GMIP: variants seen among roughly 807,000 people sequenced by gnomAD.
GMIP encodes GEM interacting protein.
A neutral mutation model predicts 105.3 loss-of-function variants in GMIP; 54 were observed. The observed-to-expected ratio is 0.51, with a 90% CI of 0.41 to 0.64. The LOEUF (loss-of-function observed/expected upper bound fraction) is 0.64, where lower values mean the gene tolerates loss of function less well. Ranked by LOEUF, GMIP falls within the 30% of genes least tolerant of loss-of-function variation. GMIP has a pLI of 0.00. For missense variants in GMIP, 1,110 were observed against 1,319.4 expected (o/e 0.84, Z 2.46); for synonymous variants, 541 against 560.8 (o/e 0.96, Z 0.50).
chr19:19,630,606 C>G lies in GMIP; in HGVS notation c.2473-69G>C. On this transcript the variant is annotated intron_variant, in intron 19 of 20. Transcript: ENST00000203556. This position sits in a 1 kb window ranked among gnomAD's most constrained non-coding sequence, Gnocchi z 4.8. ...CAGTTCTTTGAGATTCCTGGAGAGC[C>G]AAGGGCTTGTTCCTGGACATGCAAA... 7.3e-7 allele frequency: 1 copy of G among 1,366,710 alleles called. No homozygotes were observed. The highest frequency in any genetic ancestry group is 1.0e-6 in the Non-Finnish European group (1 of 955,598). 84.7% of individuals were successfully genotyped at this position (1,366,710 alleles called of 1,614,324 possible). A position where few individuals can be genotyped will look rare whatever the true frequency, so the allele number is the denominator to read the frequency against.
At chr19:19,643,290 C>G (rs2061943622) in intron 1 of GMIP, 1 of 470,422 alleles carries the variant, frequency 2.1e-6, no homozygotes, top group Non-Finnish European at 3.9e-6. Context: ...CCCCCTCCCC[C>G]AGGCGTCTGG....
At chr19:19,640,247 T>C in intron 6 of GMIP, 49 bp downstream of exon 6, 3 of 1,457,148 alleles carry the variant, frequency 2.1e-6, no homozygotes, top group Non-Finnish European at 2.8e-6. Context: ...GGGACAAAGG[T>C]GGGGTTCTAG....
intron 7 of GMIP, 94 bp downstream of exon 7, chr19:19,639,991 T>G: frequency 1.4e-6 from 1 of 704,648 alleles, no homozygotes; most frequent in Non-Finnish European, 2.5e-6. Flanking sequence ...TAGTGGTGCC[T>G]TCCTCCCAGC....
chr19:19,635,875 A>C lies in GMIP; in HGVS notation c.1328-154T>G, dbSNP rs1329129461. Among the ~76,000 whole-genome samples, 1 of 152,132 alleles carries C rather than the reference A, an allele frequency of 6.6e-6. No homozygotes were observed. The highest frequency in any genetic ancestry group is 2.4e-5 in the African/African-American group (1 of 41,422). On this transcript the variant is annotated intron_variant, in intron 13 of 20. Transcript: ENST00000203556. This position sits in a 1 kb window ranked among gnomAD's most constrained non-coding sequence, Gnocchi z 4.7. ...TAAGGGTTGGAGAATTGGGTCAGCA[A>C]CCTGAGGGGGGTGGTTCATAAGCTG...
At chr19:19,641,120 G>T (rs577494135) in intron 4 of GMIP, among the ~76,000 whole-genome samples, 4 of 151,540 alleles carry the variant, frequency 2.6e-5, no homozygotes, top group African/African-American at 9.7e-5. Context: ...TCGCTCTGTC[G>T]CTCAGGCTGG....
rs1430142508 is a variant in GMIP at position 19,642,662 on chromosome 19, C to G, written c.20-43G>C. The G allele has an allele frequency of 3.0e-6, 3 of 987,628 alleles. No homozygotes were observed. The South Asian group carries it at 4.3e-5, about 14-fold the overall frequency. 61.2% of individuals were successfully genotyped at this position (987,628 alleles called of 1,614,324 possible). ...AATACATGGGCTAACCACTGCCTCC[C>G]TCCACCCACGGCACCTCAACCAGTC... On this transcript the variant is annotated intron_variant, in intron 1 of 20. Transcript: ENST00000203556.
rs2061947323 is a variant in GMIP at position 19,643,505 on chromosome 19, C to A, written c.19+6G>T. On this transcript the variant is annotated splice_donor_region_variant and intron_variant, in intron 1 of 20. Coordinates refer to ENST00000203556, the MANE Select transcript of GMIP (RefSeq NM_016573.4). ...GGAGGCCCCTCCCGGATCCCCGACC[C>A]CCTACCCGGCTCTGCTGCGTCCATA... 1 of 1,547,592 alleles carries A rather than the reference C, an allele frequency of 6.5e-7. No individual in the cohort carries two copies. The highest frequency in any genetic ancestry group is 1.4e-5 in the African/African-American group (1 of 72,908).
chr19:19,635,864 T>A lies in GMIP; in HGVS notation c.1328-143A>T, dbSNP rs1364593582. ...AGGTCAGTGGTTAAGGGTTGGAGAA[T>A]TGGGTCAGCAACCTGAGGGGGGTGG... On this transcript the variant is annotated intron_variant, in intron 13 of 20. Transcript: ENST00000203556. This position sits in a 1 kb window ranked among gnomAD's most constrained non-coding sequence, Gnocchi z 4.7. The A allele has an allele frequency of 1.0e-5, 7 of 693,484 alleles. No individual in the cohort carries two copies. Among genetic ancestry groups the A allele is most frequent in the Non-Finnish European group, 1.5e-5 (6 of 394,656 alleles). The allele number at this position is 693,484 out of a possible 1,614,324, so 43.0% of individuals were successfully genotyped here. A position where few individuals can be genotyped will look rare whatever the true frequency, so the allele number is the denominator to read the frequency against.
At position 19,637,451 on chromosome 19, in the gene GMIP, C is replaced by T. The variant is rs1226483663; in HGVS notation, c.1038G>A (p.Gln346=). Residue 346 remains glutamine (Q), a synonymous_variant, in exon 11 of 21, where the codon CAG becomes CAA. Coordinates refer to ENST00000203556, the MANE Select transcript of GMIP (RefSeq NM_016573.4). This position sits in a 1 kb window ranked among gnomAD's most constrained non-coding sequence, Gnocchi z 6.7. ...CGGGCCGCAGCGCCCGTACAAACTC[C>T]TGGTAGCGCTGGCCCGGCTCAAAGG... ...CAPFEPGQRY[Q]EFVRALRPEA... The T allele has an allele frequency of 6.6e-7, 1 of 1,526,130 alleles. No individual in the cohort carries two copies. The highest frequency in any genetic ancestry group is 2.5e-5 in the East Asian group (1 of 39,296). 94.5% of individuals were successfully genotyped at this position (1,526,130 alleles called of 1,614,324 possible).
At position 19,637,786 on chromosome 19, in the gene GMIP, TG is replaced by T; in HGVS notation, c.927+133del. ...TGGGGCGGAGCCGAGACAGTGGGTC[TG>T]GGGGCGGGAACTGGCTGTCGAGGGA... On this transcript the variant is annotated intron_variant, in intron 10 of 20. Coordinates refer to ENST00000203556, the MANE Select transcript of GMIP (RefSeq NM_016573.4). The surrounding 1 kb of genome is among the most constrained non-coding windows in gnomAD (Gnocchi z 6.7). 2 of 1,009,878 alleles carry T rather than the reference TG, an allele frequency of 2.0e-6. No individual in the cohort carries two copies. The highest frequency in any genetic ancestry group is 2.9e-6 in the Non-Finnish European group (2 of 692,038). 62.6% of individuals were successfully genotyped at this position (1,009,878 alleles called of 1,614,324 possible).
intron 7 of GMIP, among the ~76,000 whole-genome samples, 158 bp from the exon 8 acceptor site, chr19:19,638,640 G>T (rs1167347931): frequency 1.3e-5 from 2 of 151,678 alleles, no homozygotes; most frequent in African/African-American, 4.8e-5. Flanking sequence ...CCAGGTTGGA[G>T]TGCAAGTGGG....
chr19:19,634,603 G>C lies in GMIP; in HGVS notation c.1988C>G (p.Pro663Arg). The C allele has an allele frequency of 6.2e-7, 1 of 1,613,714 alleles. No individual in the cohort carries two copies. The highest frequency in any genetic ancestry group is 8.5e-7 in the Non-Finnish European group (1 of 1,179,872). The change falls in exon 18 of 21, where the codon CCC (proline) becomes CGC (arginine). Residue 663 changes from proline (P) to arginine (R), a missense_variant. By Grantham distance (103) the Pro-to-Arg change is moderately radical. Transcript: ENST00000203556. The surrounding 1 kb of genome is among the most constrained non-coding windows in gnomAD (Gnocchi z 6.1). ...DPGDDPGTPS[P>R]SPEVIRSLKT... is the part of the protein sequence containing the mutation. ...CAGCGAGCGGATAACCTCAGGGCTGGGGCTGGGGGTCCCAGGGTCGTCCCC... is the reference window on the plus strand; with the variant it reads ...CAGCGAGCGGATAACCTCAGGGCTGCGGCTGGGGGTCCCAGGGTCGTCCCC...
chr19:19,635,813 G>T lies in GMIP; in HGVS notation c.1328-92C>A. ...AGAACCACCCACTAATTCCCAAGGG[G>T]TCAGAGGTCAGGAGGGGGATTGGAC... is the stretch of plus-strand genomic sequence containing the variant. On this transcript the variant is annotated intron_variant, in intron 13 of 20. Coordinates refer to ENST00000203556, the MANE Select transcript of GMIP (RefSeq NM_016573.4). The surrounding 1 kb of genome is among the most constrained non-coding windows in gnomAD (Gnocchi z 4.7). The T allele has an allele frequency of 1.9e-6, 2 of 1,030,706 alleles. No individual in the cohort carries two copies. The highest frequency in any genetic ancestry group is 3.0e-6 in the Non-Finnish European group (2 of 658,302). The allele number at this position is 1,030,706 out of a possible 1,614,324, so 63.8% of individuals were successfully genotyped here.
At chr19:19,640,382 C>T (rs1244393418) in intron 5 of GMIP, 22 bp from the exon 6 acceptor site, 2 of 1,613,930 alleles carry the variant, frequency 1.2e-6, no homozygotes, top group Non-Finnish European at 1.7e-6. Context: ...GAGAGCCGGG[C>T]TCTGGGTCTA....
chr19:19,634,443 G>A lies in GMIP; in HGVS notation c.2084+64C>T. 2.2e-6 allele frequency: 3 copies of A among 1,364,378 alleles called. No homozygotes were observed. The highest frequency in any genetic ancestry group is 3.1e-6 in the Non-Finnish European group (3 of 974,704). 84.5% of individuals were successfully genotyped at this position (1,364,378 alleles called of 1,614,324 possible). Reference sequence around the variant, plus strand: ...AGGTCAGTGTCAGGGGTCAGCCAGGGAAGTTAGTAGTCGCATGTCCAGGGA... The same window carrying A: ...AGGTCAGTGTCAGGGGTCAGCCAGGAAAGTTAGTAGTCGCATGTCCAGGGA... On this transcript the variant is annotated intron_variant, in intron 18 of 20. Transcript: ENST00000203556. This position sits in a 1 kb window ranked among gnomAD's most constrained non-coding sequence, Gnocchi z 6.1.
At position 19,637,409 on chromosome 19, in the gene GMIP, C is replaced by A. The variant is rs752025920; in HGVS notation, c.1080G>T (p.Pro360=). 3 of 1,474,872 alleles carry A rather than the reference C, an allele frequency of 2.0e-6. No individual in the cohort carries two copies. Among genetic ancestry groups the A allele is most frequent in the Admixed American group, 5.4e-5 (2 of 36,848 alleles). 91.4% of individuals were successfully genotyped at this position (1,474,872 alleles called of 1,614,324 possible). ...ACTCCTGGAAGGAGAAGGCGGGCGG[C>A]GGGGGCGGCGGGGCCTCGGGCCGCA... ...RALRPEAPPP[P]PPAFSFQEFL... The change falls in exon 11 of 21, where the codon CCG becomes CCT. Residue 360 remains proline (P), a synonymous_variant. Transcript: ENST00000203556. The surrounding 1 kb of genome is among the most constrained non-coding windows in gnomAD (Gnocchi z 6.7).
intron 2 of GMIP, 129 bp downstream of exon 2, chr19:19,642,406 A>T: frequency 1.5e-6 from 1 of 680,482 alleles, no homozygotes; most frequent in Non-Finnish European, 2.7e-6. Context: ...GTCCCATCCT[A>T]GACTTCTCTG....
rs764385571 is a variant in GMIP at position 19,634,572 on chromosome 19, G to A, written c.2019C>T (p.Thr673=). 2.5e-6 allele frequency: 4 copies of A among 1,613,422 alleles called. No homozygotes were observed. The highest frequency in any genetic ancestry group is 1.3e-5 in the African/African-American group (1 of 74,860). The change falls in exon 18 of 21, where the codon ACC becomes ACT. Residue 673 remains threonine (T), a synonymous_variant. Coordinates refer to ENST00000203556, the MANE Select transcript of GMIP (RefSeq NM_016573.4). The surrounding 1 kb of genome is among the most constrained non-coding windows in gnomAD (Gnocchi z 6.1). The stretch of plus-strand genomic sequence containing the variant: ...TAGAGTCAGGCAGCTGTACCAAGAG[G>A]GTCTTCAGCGAGCGGATAACCTCAG... The part of the protein sequence containing the change: ...PSPEVIRSLK[T]LLVQLPDSNY...
rs1333018961 is a variant in GMIP, at chr19:19,636,807, C to G, written c.1238-11G>C. ...TGGGGCCTGGAGTCCCTAGGTGGCA[C>G]AGGTCAATAAGGATGGTCCCCTGCT... On this transcript the variant is annotated splice_polypyrimidine_tract_variant and intron_variant, in intron 12 of 20. Coordinates refer to ENST00000203556, the MANE Select transcript of GMIP (RefSeq NM_016573.4). 2 of 1,606,530 alleles carry G rather than the reference C, an allele frequency of 1.2e-6. No individual in the cohort carries two copies. The highest frequency in any genetic ancestry group is 1.7e-6 in the Non-Finnish European group (2 of 1,175,274).
Sources: gnomAD v4.1 joint callset for allele counts (sites outside exome capture counted in the v4.1 genomes callset) on GRCh38, gnomAD v4.1.1 for gene constraint, Gnocchi (gnomAD v3.1) non-coding constraint, MANE v1.5 for transcripts, NCBI Gene and HGNC (gene_info 2026-07-23, HGNC 2026-07-21) for gene names.